UBE2V1: variants seen among roughly 807,000 people sequenced by gnomAD.
The protein encoded by UBE2V1 is ubiquitin conjugating enzyme E2 V1.
UBE2V1 carries 15 observed loss-of-function variants against 19.6 expected under a neutral mutation model. The observed-to-expected ratio is 0.77, with a 90% confidence interval of 0.51 to 1.18. The LOEUF (loss-of-function observed/expected upper bound fraction) is 1.18, where lower values mean the gene tolerates loss of function less well. Among genes scored for constraint, UBE2V1 ranks in the 50% most tolerant of loss-of-function variants. UBE2V1 has a pLI of 0.00. For synonymous variants in UBE2V1, 60 were observed against 60.7 expected, an observed-to-expected ratio of 0.99 and a Z score of 0.05; for missense variants, 125 against 184.8, an observed-to-expected ratio of 0.68 and a Z score of 1.88.
intron 2 of UBE2V1, 72 bp downstream of exon 2, chr20:50,096,600 G>A: frequency 2.5e-6 from 4 of 1,607,318 alleles, no homozygotes; most frequent in Non-Finnish European, 3.4e-6. Flanking sequence ...TCCGTGATAA[G>A]GCTAATATTT....
intron 2 of UBE2V1, chr20:50,095,106 T>A (rs1005845855): frequency 6.6e-6 from 1 of 152,228 alleles, no homozygotes; most frequent in Non-Finnish European, 1.5e-5. Context: ...GTACATTGGT[T>A]CAATTCTCAG....
At position 50,093,937 on chromosome 20, in the gene UBE2V1, G is replaced by A. The variant is rs557094927; in HGVS notation, c.171+2735C>T. On this transcript the variant is annotated intron_variant, in intron 2 of 3. Coordinates refer to ENST00000371674, the MANE Select transcript of UBE2V1 (RefSeq NM_001032288.3). ...CGGGAGGTGGAGGTTGCAGTGAGCC[G>A]AGATTGCGCCACTGCACTCCAGCCT... 5.2e-5 allele frequency among the ~76,000 whole-genome samples: 7 copies of A among 134,074 alleles called. No homozygotes were observed. In the South Asian group the frequency reaches 1.2e-3, roughly 22 times the overall value. The allele number at this position is 134,074 out of a possible 152,430, so 88.0% of individuals were successfully genotyped here.
intron 1 of UBE2V1, among the ~76,000 whole-genome samples, chr20:50,101,445 T>G (rs1363618102): frequency 1.4e-5 from 2 of 141,724 alleles, no homozygotes; most frequent in African/African-American, 5.4e-5. Flanking sequence ...TGAGACAAAG[T>G]CTCGCTCTTG....
At chr20:50,104,761 C>G (rs1028987460) in intron 1 of UBE2V1, among the ~76,000 whole-genome samples, 2 of 151,462 alleles carry the variant, frequency 1.3e-5, no homozygotes, top group African/African-American at 4.9e-5. Context: ...GAGTCTCACT[C>G]TGTCACCCAG....
At chr20:50,106,880 A>C (rs867660660) in intron 1 of UBE2V1, among the ~76,000 whole-genome samples, 28 of 135,752 alleles carry the variant, frequency 2.1e-4, no homozygotes, top group African/African-American at 7.1e-4. Context: ...ACAACAAAAA[A>C]AAAAAAACAA....
rs922267379 is a variant in UBE2V1, at chr20:50,082,218, T to G, written c.*550A>C. On this transcript the variant is annotated 3_prime_UTR_variant, in exon 4 of 4. Transcript: ENST00000371674. Reference sequence around the variant, plus strand: ...GGAGCGTGGGGACAGGATGATGGTTTGGAAGGGGCATCACTTAAGACTTAA... The same window carrying G: ...GGAGCGTGGGGACAGGATGATGGTTGGGAAGGGGCATCACTTAAGACTTAA... 1.3e-5 allele frequency: 2 copies of G among 156,242 alleles called. No individual in the cohort carries two copies. Among genetic ancestry groups the G allele is most frequent in the African/African-American group, 4.8e-5 (2 of 41,460 alleles). 9.7% of individuals were successfully genotyped at this position (156,242 alleles called of 1,614,324 possible).
Position 50,093,945 on chromosome 20 carries a change from G to A in UBE2V1, c.171+2727C>T, listed in dbSNP as rs573803735. On this transcript the variant is annotated intron_variant, in intron 2 of 3. Coordinates refer to ENST00000371674, the MANE Select transcript of UBE2V1 (RefSeq NM_001032288.3). ...GGAGGTTGCAGTGAGCCGAGATTGC[G>A]CCACTGCACTCCAGCCTGGGAGACA... Among the ~76,000 whole-genome samples, 732 of 129,150 alleles carry A rather than the reference G, an allele frequency of 5.7e-3. 7 individuals are homozygous for A. Among genetic ancestry groups the A allele is most frequent in the African/African-American group, 0.021 (694 of 33,558 alleles). The allele number at this position is 129,150 out of a possible 152,430, so 84.7% of individuals were successfully genotyped here. A position where few individuals can be genotyped will look rare whatever the true frequency, so the allele number is the denominator to read the frequency against.
At chr20:50,090,345 A>G (rs1228387714) in intron 2 of UBE2V1, among the ~76,000 whole-genome samples, 1 of 152,146 alleles carries the variant, frequency 6.6e-6, no homozygotes, top group Non-Finnish European at 1.5e-5. Context: ...ACACAATGAA[A>G]TATTATTCAG....
intron 1 of UBE2V1, among the ~76,000 whole-genome samples, chr20:50,107,076 C>T (rs1168897651): frequency 6.6e-6 from 1 of 152,160 alleles, no homozygotes; most frequent in Non-Finnish European, 1.5e-5. Context: ...GACATAGAGC[C>T]ATAAGCAAGT....
At chr20:50,111,176 G>A (rs1417679294) in intron 1 of UBE2V1, 2 of 894,184 alleles carry the variant, frequency 2.2e-6, no homozygotes, top group East Asian at 1.2e-4. Flanking sequence ...GTCCATTTTA[G>A]GGCACCTCAA....
intron 2 of UBE2V1, chr20:50,084,787 C>T (rs2078812262): frequency 3.2e-6 from 1 of 315,788 alleles, no homozygotes; most frequent in South Asian, 2.7e-5. Flanking sequence ...GGGATTTCAA[C>T]TGGGGTGTTC....
chr20:50,106,871 C>CA (rs1462697652), intron 1 of UBE2V1, among the ~76,000 whole-genome samples: 2,217 of 84,500 alleles, frequency 0.026, 18 homozygotes, highest in Non-Finnish European at 0.034. Flanking sequence ...ACAACAACAA[C>CA]AACAAAAAAA....
intron 2 of UBE2V1, among the ~76,000 whole-genome samples, chr20:50,086,996 G>A (rs1022630373): frequency 3.3e-5 from 5 of 152,150 alleles, no homozygotes; most frequent in Non-Finnish European, 5.9e-5. Flanking sequence ...AGAATGGCAC[G>A]AACCCGGGAG....
chr20:50,099,052 T>A, intron 1 of UBE2V1: 1 of 848,186 alleles, frequency 1.2e-6, no homozygotes, highest in African/African-American at 1.8e-5. Flanking sequence ...GGGTTCAATC[T>A]AAATCTTTAA....
rs201169916 is a variant in UBE2V1 at position 50,113,141 on chromosome 20, T to C, written c.-13A>G. On this transcript the variant is annotated 5_prime_UTR_variant, in exon 1 of 4. Coordinates refer to ENST00000371674, the MANE Select transcript of UBE2V1 (RefSeq NM_001032288.3). ...TGGTGGCTGCCATCTTGCGTCGCTC[T>C]TGCTTGAAGGCCGGCCCCTTCTTCA... is the stretch of plus-strand genomic sequence containing the variant. 3.6e-3 allele frequency: 4,769 copies of C among 1,337,204 alleles called. 12 individuals carry two copies. The highest frequency in any genetic ancestry group is 4.3e-3 in the Non-Finnish European group (4,403 of 1,029,000). The allele number at this position is 1,337,204 out of a possible 1,614,324, so 82.8% of individuals were successfully genotyped here.
chr20:50,086,145 G>T (rs1325335607), intron 2 of UBE2V1, among the ~76,000 whole-genome samples: 3 of 152,142 alleles, frequency 2.0e-5, no homozygotes, highest in Non-Finnish European at 4.4e-5. Context: ...ACTGACCCGG[G>T]CAGCCCTAAC....
chr20:50,084,435 T>G, intron 2 of UBE2V1, 181 bp from the exon 3 acceptor site: 1 of 1,097,482 alleles, frequency 9.1e-7, no homozygotes, highest in Non-Finnish European at 1.3e-6. Context: ...TTTATATGAC[T>G]TCCGGGCCTT....
chr20:50,099,500 ACTTT>A (rs1247210242), intron 1 of UBE2V1, among the ~76,000 whole-genome samples: 1 of 152,140 alleles, frequency 6.6e-6, no homozygotes, highest in Admixed American at 6.5e-5. Context: ...GATTCCCCCT[ACTTT>A]CTCTATTTCC....
chr20:50,115,846 C>T (rs1569035004), upstream of UBE2V1: 1 of 324,748 alleles, frequency 3.1e-6, no homozygotes, highest in Non-Finnish European at 5.5e-6. Flanking sequence ...TCTATGGTGC[C>T]CGTAAATGTT....
Sources: gnomAD v4.1 joint callset for allele counts (sites outside exome capture counted in the v4.1 genomes callset) on GRCh38, gnomAD v4.1.1 for gene constraint, MANE v1.5 for transcripts, NCBI Gene and HGNC (gene_info 2026-07-23, HGNC 2026-07-21) for gene names.